UNC80: variants seen among roughly 807,000 people sequenced by gnomAD.
UNC80 encodes the protein unc-80 subunit of NALCN channel complex.
Under a neutral mutation model 384.6 loss-of-function variants are expected in UNC80, and 164 were observed. That is an observed-to-expected ratio of 0.43 (90% CI 0.38 to 0.49). UNC80 has a LOEUF of 0.49. Among genes scored for constraint, UNC80 ranks in the 20% least tolerant of loss-of-function variants. The pLI is 0.00. For synonymous variants in UNC80, 1,486 were observed against 1,527.8 expected (o/e 0.97, Z 0.64); for missense variants, 3,330 against 4,143.0 (o/e 0.80, Z 5.39).
At chr2:209,886,833 T>A (rs768405353) in intron 25 of UNC80, among the ~76,000 whole-genome samples, 1 of 152,200 alleles carries the variant, frequency 6.6e-6, no homozygotes, top group Non-Finnish European at 1.5e-5. Context: ...GAAATTTAGC[T>A]GTTTATAGCA....
At chr2:209,876,602 T>C (rs1405002345) in intron 23 of UNC80, among the ~76,000 whole-genome samples, 1 of 152,206 alleles carries the variant, frequency 6.6e-6, no homozygotes, top group South Asian at 2.1e-4. Flanking sequence ...TTTTCCCTTT[T>C]GAGTCTCACT....
At position 209,945,062 on chromosome 2, in the gene UNC80, T is replaced by A; in HGVS notation, c.7062T>A (p.Asn2354Lys). ...APLLEFPDAA[N>K]NGPSKGVSAQ... is the part of the protein sequence containing the mutation. Reference sequence around the variant, plus strand: ...TTTTTCTTTATCAGGATGCTGCCAATAATGGGCCCAGCAAAGGTGTGTCAG... The same window carrying A: ...TTTTTCTTTATCAGGATGCTGCCAAAAATGGGCCCAGCAAAGGTGTGTCAG... Residue 2354 changes from asparagine to lysine, a missense_variant, in exon 46 of 65, where the codon AAT (asparagine) becomes AAA (lysine). Around this residue, in one of 8 missense-constraint regions of UNC80, gnomAD observed 1,049 missense variants for 1,488.6 expected, o/e 0.70. Transcript: ENST00000673920. 6.4e-7 allele frequency: 1 copy of A among 1,551,508 alleles called. No homozygotes were observed. Among genetic ancestry groups the A allele is most frequent in the Non-Finnish European group, 8.7e-7 (1 of 1,146,796 alleles).
chr2:209,976,430 C>A lies in UNC80; in HGVS notation c.8772+127C>A. ...TGCCAGTTAGTAGGGCCTGTTAATA[C>A]CATGCTTGATGAGAAAACCGCCCAA... On this transcript the variant is annotated intron_variant, in intron 57 of 64. Coordinates refer to ENST00000673920, the MANE Select transcript of UNC80 (RefSeq NM_001371986.1). The surrounding 1 kb of genome is among the most constrained non-coding windows in gnomAD (Gnocchi z 4.3). The A allele has an allele frequency of 8.1e-7, 1 of 1,228,454 alleles. No individual in the cohort carries two copies. Among genetic ancestry groups the A allele is most frequent in the South Asian group, 1.4e-5 (1 of 69,098 alleles). 76.1% of individuals were successfully genotyped at this position (1,228,454 alleles called of 1,614,324 possible).
chr2:209,853,426 T>C (rs2124845996), intron 22 of UNC80, among the ~76,000 whole-genome samples: 1 of 152,180 alleles, frequency 6.6e-6, no homozygotes, highest in East Asian at 1.9e-4. Context: ...ACCTGTTTTT[T>C]TTGTTGGTTC....
At chr2:209,960,416 C>T (rs956620748) in intron 51 of UNC80, among the ~76,000 whole-genome samples, 2 of 152,160 alleles carry the variant, frequency 1.3e-5, no homozygotes, top group Non-Finnish European at 2.9e-5. Context: ...TCAAAAGGAA[C>T]GTGATTCCAG....
intron 26 of UNC80, among the ~76,000 whole-genome samples, chr2:209,893,340 A>T (rs2086522729): frequency 6.6e-6 from 1 of 152,150 alleles, no homozygotes; most frequent in African/African-American, 2.4e-5. Context: ...CTTGAAAAGG[A>T]AGGAGGTGTG....
intron 17 of UNC80, 123 bp downstream of exon 17, chr2:209,834,291 G>T (rs1417565194): frequency 1.8e-6 from 2 of 1,106,344 alleles, no homozygotes; most frequent in Non-Finnish European, 2.5e-6. Flanking sequence ...ATTATCTTGC[G>T]TAAGTGGTTT....
In UNC80 at chr2:209,941,538, C is replaced by T. The variant is rs534990622; in HGVS notation, c.6915+49C>T. 38 of 1,449,158 alleles carry T rather than the reference C, an allele frequency of 2.6e-5. No individual in the cohort carries two copies. In the Middle Eastern group the frequency reaches 1.9e-3, roughly 74 times the overall value. 89.8% of individuals were successfully genotyped at this position (1,449,158 alleles called of 1,614,324 possible). A position where few individuals can be genotyped will look rare whatever the true frequency, so the allele number is the denominator to read the frequency against. On this transcript the variant is annotated intron_variant, in intron 44 of 64. Coordinates refer to ENST00000673920, the MANE Select transcript of UNC80 (RefSeq NM_001371986.1). ...CCAGAAAATTAACATGAGTACTGCT[C>T]ATATCTAGCCGTTCAACTAGATCTA... is the stretch of plus-strand genomic sequence containing the variant.
At chr2:209,988,240 A>C (rs987588636) in intron 61 of UNC80, among the ~76,000 whole-genome samples, 23 of 152,204 alleles carry the variant, frequency 1.5e-4, no homozygotes, top group Non-Finnish European at 2.8e-4. Context: ...GTAAACGATG[A>C]TGCTGCATGT....
rs141435946 is a variant in UNC80, at chr2:209,821,076, G to A, written c.2331+397G>A. On this transcript the variant is annotated intron_variant, in intron 13 of 64. Coordinates refer to ENST00000673920, the MANE Select transcript of UNC80 (RefSeq NM_001371986.1). ...ATAACAAAATACCATAGACTGAGTG[G>A]CTTAAACAATAGAAATTTATTTCTC... Among the ~76,000 whole-genome samples the A allele has an allele frequency of 4.2e-3, 637 of 151,466 alleles. 5 individuals are homozygous for A. The highest frequency in any genetic ancestry group is 0.015 in the African/African-American group (595 of 41,004).
At chr2:209,783,065 T>G (rs1443373483) in intron 4 of UNC80, among the ~76,000 whole-genome samples, 2 of 152,140 alleles carry the variant, frequency 1.3e-5, no homozygotes, top group African/African-American at 4.8e-5. Context: ...AAATGGAACT[T>G]AAAATAATAG....
intron 29 of UNC80, among the ~76,000 whole-genome samples, chr2:209,911,601 A>G (rs985670748): frequency 2.0e-5 from 3 of 152,232 alleles, no homozygotes; most frequent in African/African-American, 7.2e-5. Context: ...ATCTTTATCC[A>G]TAACACTATG....
At chr2:209,788,310 G>A (rs754832806) in intron 5 of UNC80, among the ~76,000 whole-genome samples, 1 of 151,682 alleles carries the variant, frequency 6.6e-6, no homozygotes, top group African/African-American at 2.4e-5. Context: ...CAGCTACTTG[G>A]GAAGGCTGAG....
chr2:209,898,003 C>T (rs1384918018), intron 28 of UNC80, among the ~76,000 whole-genome samples: 1 of 152,004 alleles, frequency 6.6e-6, no homozygotes, highest in Non-Finnish European at 1.5e-5. Context: ...TCAAATTTAT[C>T]AGCAAAAAGA....
At chr2:209,894,638 C>T (rs2124916226) in intron 27 of UNC80, among the ~76,000 whole-genome samples, 1 of 152,242 alleles carries the variant, frequency 6.6e-6, no homozygotes, top group Non-Finnish European at 1.5e-5. Context: ...ACATGTTTAA[C>T]AAGCTTTCTG....
intron 22 of UNC80, among the ~76,000 whole-genome samples, chr2:209,869,703 T>A (rs914495280): frequency 6.6e-6 from 1 of 152,178 alleles, no homozygotes; most frequent in African/African-American, 2.4e-5. Flanking sequence ...ATGAATGGGT[T>A]TGGCTATTTA....
chr2:209,881,767 CG>C (rs1284721492), intron 25 of UNC80, among the ~76,000 whole-genome samples: 1 of 152,032 alleles, frequency 6.6e-6, no homozygotes, highest in Non-Finnish European at 1.5e-5. Context: ...GTGTGTGGCA[CG>C]GGGCACACCT....
At chr2:209,882,211 C>T (rs1192970509) in intron 25 of UNC80, among the ~76,000 whole-genome samples, 1 of 152,072 alleles carries the variant, frequency 6.6e-6, no homozygotes, top group Non-Finnish European at 1.5e-5. Flanking sequence ...CATGATCTGC[C>T]TGCCTTGGCC....
Position 209,777,461 on chromosome 2 carries a change from G to A in UNC80, c.502G>A (p.Asp168Asn). 3 of 1,614,146 alleles carry A rather than the reference G, an allele frequency of 1.9e-6. No homozygotes were observed. Among genetic ancestry groups the A allele is most frequent in the East Asian group, 2.2e-5 (1 of 44,870 alleles). Residue 168 changes from aspartate to asparagine, a missense_variant, in exon 4 of 65, where the codon GAC becomes AAC. Coordinates refer to ENST00000673920, the MANE Select transcript of UNC80 (RefSeq NM_001371986.1). ...GCAGCCTTGCCAAAGCAGCTCTAAT[G>A]ACGAAGAAGAGAACAACCGAAGAAA... ...PGQPCQSSSN[D>N]EEENNRRKIF...
Sources: gnomAD v4.1 joint callset for allele counts (sites outside exome capture counted in the v4.1 genomes callset) on GRCh38, gnomAD v4.1.1 for gene constraint, gnomAD v4.1.1 regional missense constraint, Gnocchi (gnomAD v3.1) non-coding constraint, MANE v1.5 for transcripts, NCBI Gene and HGNC (gene_info 2026-07-23, HGNC 2026-07-21) for gene names.